PRTG: variants seen among roughly 807,000 people sequenced by gnomAD.
PRTG encodes protogenin.
In PRTG, 67 loss-of-function variants were observed where a neutral mutation model predicts 122.5. The observed-to-expected ratio is 0.55, with a 90% CI of 0.45 to 0.67. The LOEUF is 0.67. Ranked by LOEUF, PRTG falls within the 30% of genes least tolerant of loss-of-function variation. PRTG has a pLI of 0.00. For synonymous variants in PRTG, 554 were observed against 501.1 expected, an observed-to-expected ratio of 1.11 and a Z score of -1.41; for missense variants, 1,435 against 1,415.4, an observed-to-expected ratio of 1.01 and a Z score of -0.22.
intron 2 of PRTG, among the ~76,000 whole-genome samples, chr15:55,723,484 G>C (rs1325879454): frequency 1.3e-5 from 2 of 151,194 alleles, no homozygotes; most frequent in African/African-American, 4.9e-5. Flanking sequence ...GCCCAGAAGG[G>C]AAAAAGAAAG....
intron 15 of PRTG, among the ~76,000 whole-genome samples, chr15:55,632,271 C>G (rs973434508): frequency 5.3e-5 from 8 of 152,182 alleles, no homozygotes; most frequent in Non-Finnish European, 8.8e-5. Flanking sequence ...AATCTACAAG[C>G]ATATCTGACT....
intron 15 of PRTG, among the ~76,000 whole-genome samples, chr15:55,634,063 C>CTTTTTT (rs10711487): frequency 8.1e-5 from 6 of 73,844 alleles, no homozygotes; most frequent in African/African-American, 2.2e-4. Context: ...ATATACATTG[C>CTTTTTT]TTTTTTTTTT....
intron 11 of PRTG, among the ~76,000 whole-genome samples, chr15:55,653,267 G>C (rs760309668): frequency 6.6e-6 from 1 of 151,992 alleles, no homozygotes; most frequent in Non-Finnish European, 1.5e-5. Flanking sequence ...TAGAGTACTT[G>C]TCTAAACCTG....
intron 8 of PRTG, among the ~76,000 whole-genome samples, 166 bp downstream of exon 8, chr15:55,677,631 A>G (rs182176199): frequency 6.6e-6 from 1 of 152,360 alleles, no homozygotes; most frequent in African/African-American, 2.4e-5. Context: ...ACAACATGAA[A>G]TTTAGAAAAC....
intron 2 of PRTG, among the ~76,000 whole-genome samples, chr15:55,690,038 A>T (rs537904694): frequency 6.6e-6 from 1 of 152,228 alleles, no homozygotes; most frequent in East Asian, 1.9e-4. Flanking sequence ...TATGAAAACA[A>T]TATCTCTGCT....
intron 2 of PRTG, among the ~76,000 whole-genome samples, chr15:55,688,085 A>G (rs1047072791): frequency 5.3e-5 from 8 of 152,142 alleles, no homozygotes; most frequent in African/African-American, 1.9e-4. Flanking sequence ...AACTCTAAAC[A>G]TGTCTTTACA....
intron 11 of PRTG, among the ~76,000 whole-genome samples, chr15:55,668,657 C>CT (rs2059451358): frequency 1.3e-5 from 2 of 152,222 alleles, no homozygotes; most frequent in Admixed American, 1.3e-4. Flanking sequence ...AAGTCTAATG[C>CT]TTTTTTCCAA....
chr15:55,664,095 T>C (rs919482590), intron 11 of PRTG, among the ~76,000 whole-genome samples: 6 of 152,162 alleles, frequency 3.9e-5, no homozygotes, highest in Admixed American at 1.3e-4. Context: ...AGCTATACAT[T>C]TGTGTACAGT....
intron 12 of PRTG, 196 bp from the exon 13 acceptor site, chr15:55,640,024 A>C: frequency 4.6e-6 from 4 of 876,246 alleles, no homozygotes; most frequent in Non-Finnish European, 5.5e-6. Flanking sequence ...AGTCAAAAAC[A>C]GTCATGCATC....
chr15:55,737,969 A>G (rs1351461831), intron 2 of PRTG, among the ~76,000 whole-genome samples: 1 of 126,078 alleles, frequency 7.9e-6, no homozygotes, highest in African/African-American at 3.1e-5. Context: ...TGTCCACTTA[A>G]TGCCTATTCT....
chr15:55,648,784 A>G (rs1193445058), intron 11 of PRTG, among the ~76,000 whole-genome samples: 2 of 152,148 alleles, frequency 1.3e-5, no homozygotes, highest in Non-Finnish European at 2.9e-5. Context: ...ATACCTATAA[A>G]TATTTCATAT....
At position 55,715,081 on chromosome 15, in the gene PRTG, A is replaced by G. The variant is rs191062290; in HGVS notation, c.397+25301T>C. Among the ~76,000 whole-genome samples the G allele has an allele frequency of 5.8e-4, 89 of 152,322 alleles. 2 individuals carry two copies. Among genetic ancestry groups the G allele is most frequent in the Admixed American group, 5.4e-3 (82 of 15,302 alleles). On this transcript the variant is annotated intron_variant, in intron 2 of 19. Transcript: ENST00000389286. ...ACCAAAATCATTTAATAAAATATCA[A>G]CTGTCATATATTCATATTATTCAAA...
intron 11 of PRTG, among the ~76,000 whole-genome samples, chr15:55,659,434 T>C (rs1286756386): frequency 1.3e-5 from 2 of 152,138 alleles, no homozygotes; most frequent in East Asian, 1.9e-4. Flanking sequence ...ATCTTTCAGA[T>C]CTCAAATTCA....
chr15:55,686,441 G>A lies in PRTG; in HGVS notation c.398-2510C>T, dbSNP rs2059571004. ...TACAGAACAGAAGCTCCCCCAGCCTGTCCACTTTAACAATTTCTTCTTCCA... is the reference window on the plus strand; with the variant it reads ...TACAGAACAGAAGCTCCCCCAGCCTATCCACTTTAACAATTTCTTCTTCCA... On this transcript the variant is annotated intron_variant, in intron 2 of 19. Transcript: ENST00000389286. 3.9e-5 allele frequency among the ~76,000 whole-genome samples: 6 copies of A among 152,172 alleles called. No homozygotes were observed. The South Asian group carries it at 1.0e-3, about 26-fold the overall frequency.
intron 11 of PRTG, among the ~76,000 whole-genome samples, chr15:55,661,670 C>T (rs760578056): frequency 7.2e-5 from 11 of 152,182 alleles, no homozygotes; most frequent in African/African-American, 9.7e-5. Context: ...CTCTTCTCCA[C>T]ATGAACTGCT....
chr15:55,713,728 T>C (rs116360825), intron 2 of PRTG, among the ~76,000 whole-genome samples: 11,260 of 94,322 alleles, frequency 0.12, 464 homozygotes, highest in Non-Finnish European at 0.19. Context: ...CTACTTTGAA[T>C]TGCTATTTTT....
intron 2 of PRTG, among the ~76,000 whole-genome samples, chr15:55,696,859 T>A (rs1053340073): frequency 6.6e-6 from 1 of 152,180 alleles, no homozygotes; most frequent in Non-Finnish European, 1.5e-5. Flanking sequence ...AAAGAAAATA[T>A]TTAGATCAAA....
At chr15:55,699,918 T>C (rs2059652745) in intron 2 of PRTG, among the ~76,000 whole-genome samples, 1 of 152,160 alleles carries the variant, frequency 6.6e-6, no homozygotes, top group Non-Finnish European at 1.5e-5. Context: ...AGCCCTGTCC[T>C]TACAGGCATA....
intron 18 of PRTG, among the ~76,000 whole-genome samples, chr15:55,623,733 T>C (rs1466905516): frequency 6.6e-6 from 1 of 152,214 alleles, no homozygotes; most frequent in Admixed American, 6.5e-5. Context: ...CTAAAAATAA[T>C]TTTAAAAGTT....
Sources: gnomAD v4.1 joint callset for allele counts (sites outside exome capture counted in the v4.1 genomes callset) on GRCh38, gnomAD v4.1.1 for gene constraint, MANE v1.5 for transcripts, NCBI Gene and HGNC (gene_info 2026-07-23, HGNC 2026-07-21) for gene names.